Variants in KHDRBS2 observed in about 807,000 individuals in gnomAD.
KHDRBS2 encodes KH domain-containing, RNA-binding, signal transduction-associated protein 2.
KHDRBS2 carries 26 observed loss-of-function variants against 44.3 expected under a neutral mutation model. That is an observed-to-expected ratio of 0.59 (90% CI 0.43 to 0.81). The LOEUF (loss-of-function observed/expected upper bound fraction) is 0.81, where lower values mean the gene tolerates loss of function less well. KHDRBS2 is among the 40% of genes least tolerant of loss of function. The pLI is 0.00. For missense variants in KHDRBS2, 476 were observed against 433.1 expected, an observed-to-expected ratio of 1.10 and a Z score of -0.88; for synonymous variants, 194 against 151.1, an observed-to-expected ratio of 1.28 and a Z score of -2.08.
intron 1 of KHDRBS2, among the ~76,000 whole-genome samples, chr6:62,278,672 GA>G (rs1292810053): frequency 6.6e-6 from 1 of 152,216 alleles, no homozygotes; most frequent in East Asian, 1.9e-4. Flanking sequence ...CTAGAAAGTG[GA>G]AAAAAGGAGG....
At chr6:61,648,344 T>C in the KHDRBS2 span, among the ~76,000 whole-genome samples, 1 of 152,070 alleles carries the variant, frequency 6.6e-6, no homozygotes, top group African/African-American at 2.4e-5. Context: ...GAATCTAACT[T>C]CACATTGAGA....
At chr6:61,743,771 T>TCCCCC (rs528609380) in intron 6 of KHDRBS2, among the ~76,000 whole-genome samples, 2 of 125,070 alleles carry the variant, frequency 1.6e-5, no homozygotes, top group South Asian at 2.6e-4. Context: ...CTTAATGCTA[T>TCCCCC]CCCCCCCCTC....
the KHDRBS2 span, among the ~76,000 whole-genome samples, chr6:61,593,479 T>G: frequency 7.4e-5 from 7 of 95,222 alleles, no homozygotes; most frequent in Admixed American, 4.0e-4. Context: ...TATAGGTTTT[T>G]TTTTTTTTTT....
intron 6 of KHDRBS2, among the ~76,000 whole-genome samples, chr6:61,848,532 C>CATATATATATGTATATATATACAT (rs1554236783): frequency 2.5e-4 from 7 of 28,220 alleles, no homozygotes; most frequent in Non-Finnish European, 4.3e-4. Flanking sequence ...TATATATATA[C>CATATATATATGTATATATATACAT]ATATATATGT....
At chr6:61,645,007 C>T in the KHDRBS2 span, among the ~76,000 whole-genome samples, 1 of 152,080 alleles carries the variant, frequency 6.6e-6, no homozygotes, top group African/African-American at 2.4e-5. Flanking sequence ...CATAAAGACA[C>T]ATGCATGCCA....
chr6:62,267,079 G>T (rs1280567210), intron 1 of KHDRBS2, among the ~76,000 whole-genome samples: 1 of 151,972 alleles, frequency 6.6e-6, no homozygotes, highest in African/African-American at 2.4e-5. Context: ...AGAGATTGCT[G>T]TTATCCTATG....
intron 6 of KHDRBS2, among the ~76,000 whole-genome samples, chr6:61,827,773 A>C (rs1791135129): frequency 6.6e-6 from 1 of 152,170 alleles, no homozygotes; most frequent in Non-Finnish European, 1.5e-5. Context: ...GCTAACAGAA[A>C]GAGACAGCAG....
chr6:62,220,192 T>C (rs1830670713), intron 1 of KHDRBS2, among the ~76,000 whole-genome samples: 1 of 151,642 alleles, frequency 6.6e-6, no homozygotes, highest in South Asian at 2.1e-4. Context: ...ATGAAAATCT[T>C]TCAAAAATGA....
intron 3 of KHDRBS2, among the ~76,000 whole-genome samples, chr6:62,007,607 T>C (rs983829118): frequency 6.6e-6 from 1 of 152,138 alleles, no homozygotes; most frequent in Non-Finnish European, 1.5e-5. Flanking sequence ...ATTAATATTC[T>C]GAAGAAAACC....
At chr6:61,891,735 T>C (rs1308299336) in intron 6 of KHDRBS2, among the ~76,000 whole-genome samples, 3 of 152,180 alleles carry the variant, frequency 2.0e-5, no homozygotes, top group Admixed American at 2.0e-4. Context: ...AAATTAGGTA[T>C]TGATGGGATA....
chr6:61,832,864 T>C (rs899113808), intron 6 of KHDRBS2, among the ~76,000 whole-genome samples: 1 of 152,200 alleles, frequency 6.6e-6, no homozygotes, highest in African/African-American at 2.4e-5. Flanking sequence ...TTTTTGGTTT[T>C]AAGTCTACAG....
the KHDRBS2 span, among the ~76,000 whole-genome samples, chr6:61,597,619 G>A: frequency 6.6e-6 from 1 of 150,438 alleles, no homozygotes; most frequent in South Asian, 2.1e-4. Flanking sequence ...AACTGGATGG[G>A]AAATTGAAGG....
chr6:61,959,017 C>T (rs1453418358), intron 4 of KHDRBS2, among the ~76,000 whole-genome samples: 1 of 152,196 alleles, frequency 6.6e-6, no homozygotes, highest in Non-Finnish European at 1.5e-5. Context: ...ACAACCTCAA[C>T]TGGTGTCACT....
At chr6:61,800,344 C>G (rs1478049094) in intron 6 of KHDRBS2, among the ~76,000 whole-genome samples, 3 of 151,936 alleles carry the variant, frequency 2.0e-5, no homozygotes, top group African/African-American at 4.8e-5. Context: ...AATGGCAGTT[C>G]CTGTCATCAT....
chr6:62,160,985 G>A (rs543424617), intron 2 of KHDRBS2, among the ~76,000 whole-genome samples: 4 of 152,030 alleles, frequency 2.6e-5, no homozygotes, highest in East Asian at 3.9e-4. Context: ...CACTCATCCC[G>A]CTGCCAAGAC....
intron 3 of KHDRBS2, among the ~76,000 whole-genome samples, chr6:62,033,902 G>GAAAT (rs1223217711): frequency 6.6e-6 from 1 of 150,892 alleles, no homozygotes; most frequent in African/African-American, 2.4e-5. Flanking sequence ...AATAATTAAG[G>GAAAT]AAATATATAC....
chr6:62,197,948 C>A (rs1191596874), intron 1 of KHDRBS2, among the ~76,000 whole-genome samples: 1 of 152,132 alleles, frequency 6.6e-6, no homozygotes, highest in Non-Finnish European at 1.5e-5. Flanking sequence ...CCAAACCACT[C>A]AATTACATGG....
intron 6 of KHDRBS2, among the ~76,000 whole-genome samples, chr6:61,818,201 T>C (rs1214771308): frequency 6.7e-6 from 1 of 149,532 alleles, no homozygotes; most frequent in Admixed American, 6.7e-5. Context: ...TTTGCTGCCT[T>C]CCTTTTTAAA....
rs189665657 is a variant in KHDRBS2, at chr6:62,183,097, C to A, written c.92-5785G>T. 1.9e-3 allele frequency among the ~76,000 whole-genome samples: 288 copies of A among 151,838 alleles called. 1 individual carries two copies. Among genetic ancestry groups the A allele is most frequent in the African/African-American group, 6.4e-3 (267 of 41,472 alleles). On this transcript the variant is annotated intron_variant, in intron 1 of 8. Transcript: ENST00000281156. ...ATAGAATTTGCTTAAGATTTTAGAA[C>A]CCTTAATAGCTATAAAATTAACATA...
Sources: allele counts gnomAD v4.1 joint callset (sites outside exome capture counted in the v4.1 genomes callset), GRCh38; gene constraint gnomAD v4.1.1; transcripts MANE v1.5; gene names NCBI Gene and HGNC (gene_info 2026-07-23, HGNC 2026-07-21).